RND3: variants seen among roughly 807,000 people sequenced by gnomAD.
RND3 encodes the protein rho-related GTP-binding protein RhoE.
A neutral mutation model predicts 26.5 loss-of-function variants in RND3; 8 were observed. That is an observed-to-expected ratio of 0.30 (90% CI 0.18 to 0.54). RND3 has a LOEUF of 0.54. Among genes scored for constraint, RND3 ranks in the 20% least tolerant of loss-of-function variants. The probability of loss-of-function intolerance (pLI) is 0.94; values close to 1 mark genes in which losing one functional copy is unlikely to be tolerated. For missense variants in RND3, 207 were observed against 302.8 expected (o/e 0.68, Z 2.35); for synonymous variants, 113 against 113.0 (o/e 1.00, Z 0.00).
At position 150,487,474 on chromosome 2, in the gene RND3, A is replaced by AAAAAAAAT; in HGVS notation, c.-38-20_-38-19insATTTTTTT. 1.5e-4 allele frequency: 30 copies of AAAAAAAAT among 200,804 alleles called. No individual in the cohort carries two copies. Among genetic ancestry groups the AAAAAAAAT allele is most frequent in the African/African-American group, 7.1e-4 (26 of 36,654 alleles). The allele number at this position is 200,804 out of a possible 1,614,324, so 12.4% of individuals were successfully genotyped here. A position where few individuals can be genotyped will look rare whatever the true frequency, so the allele number is the denominator to read the frequency against. On this transcript the variant is annotated intron_variant, in intron 1 of 5. Transcript: ENST00000263895. ...ATTTTCTCTTAAGAAGAAAAAAAAA[A>AAAAAAAAT]ATATATATATATATATATATTTCTC...
intron 3 of RND3, among the ~76,000 whole-genome samples, chr2:150,479,593 A>T (rs898628637): frequency 6.6e-6 from 1 of 152,222 alleles, no homozygotes; most frequent in South Asian, 2.1e-4. Context: ...CTTTTGGTAT[A>T]TTTAGTGACC....
At position 150,469,931 on chromosome 2, in the gene RND3, T is replaced by A. The variant is rs575225524; in HGVS notation, c.*56A>T. On this transcript the variant is annotated 3_prime_UTR_variant, in exon 6 of 6. Transcript: ENST00000263895. ...ACTTCATTTAGACTTCACCTTTTTG[T>A]TTGCTGTTGTTTTTTACACTAGATT... The A allele has an allele frequency of 1.3e-6, 2 of 1,594,040 alleles. No individual in the cohort carries two copies. Among genetic ancestry groups the A allele is most frequent in the South Asian group, 1.1e-5 (1 of 89,198 alleles).
In RND3 at chr2:150,472,930, A is replaced by G. The variant is rs1686109637; in HGVS notation, c.349-1169T>C. On this transcript the variant is annotated intron_variant, in intron 4 of 5. Coordinates refer to ENST00000263895, the MANE Select transcript of RND3 (RefSeq NM_005168.5). ...AACGAACTCTAGTGCAAACTACACC[A>G]GAGGATTCAAAGGAGTAATATACTT... 2.0e-5 allele frequency among the ~76,000 whole-genome samples: 3 copies of G among 152,220 alleles called. No homozygotes were observed. In the South Asian group the frequency reaches 6.2e-4, roughly 32 times the overall value.
At chr2:150,478,750 TAC>T (rs1686216480) in intron 3 of RND3, among the ~76,000 whole-genome samples, 2 of 152,060 alleles carry the variant, frequency 1.3e-5, no homozygotes, top group African/African-American at 4.8e-5. Flanking sequence ...GGTATTGATA[TAC>T]ACAGAGTATG....
At chr2:150,474,735 G>A (rs141429216) in intron 4 of RND3, 140 bp downstream of exon 4, 3 of 490,318 alleles carry the variant, frequency 6.1e-6, no homozygotes, top group African/African-American at 4.0e-5. Flanking sequence ...CCATTTTGGT[G>A]TGAAAGGGTT....
In RND3 at chr2:150,486,177, GC is replaced by G. The variant is rs1686356717; in HGVS notation, c.238+516del. On this transcript the variant is annotated intron_variant, in intron 3 of 5. Coordinates refer to ENST00000263895, the MANE Select transcript of RND3 (RefSeq NM_005168.5). This position sits in a 1 kb window ranked among gnomAD's most constrained non-coding sequence, Gnocchi z 4.5. ...GGGTGTAGGCGTCACGGGCGCCGCG[GC>G]TGCCTGCGCTCAGTTTCTTTCCCTC... Among the ~76,000 whole-genome samples the G allele has an allele frequency of 6.6e-6, 1 of 152,020 alleles. No homozygotes were observed. The highest frequency in any genetic ancestry group is 1.5e-5 in the Non-Finnish European group (1 of 68,008).
chr2:150,470,103 G>T lies in RND3; in HGVS notation c.619C>A (p.Arg207=), dbSNP rs758054007. ...CVNKTNKNVK[R]NKSQRATKRI... is the part of the protein sequence containing the mutation. ...TTTGTGGCTCTCTGTGATTTGTTCC[G>T]CTTAACGTTTTTATTTGTCTTATTT... The change falls in exon 6 of 6, where the codon CGG becomes AGG. Residue 207 remains arginine, a synonymous_variant. Coordinates refer to ENST00000263895, the MANE Select transcript of RND3 (RefSeq NM_005168.5). The T allele has an allele frequency of 6.2e-7, 1 of 1,613,956 alleles. No individual in the cohort carries two copies.
In RND3 at chr2:150,487,474, A is replaced by ATATATATAGAT; in HGVS notation, c.-38-20_-38-19insATCTATATATA. On this transcript the variant is annotated intron_variant, in intron 1 of 5. Coordinates refer to ENST00000263895, the MANE Select transcript of RND3 (RefSeq NM_005168.5). ...ATTTTCTCTTAAGAAGAAAAAAAAA[A>ATATATATAGAT]ATATATATATATATATATATTTCTC... is the stretch of plus-strand genomic sequence containing the variant. 5.1e-6 allele frequency: 1 copy of ATATATATAGAT among 195,420 alleles called. No individual in the cohort carries two copies. The highest frequency in any genetic ancestry group is 8.9e-6 in the Non-Finnish European group (1 of 112,126). The allele number at this position is 195,420 out of a possible 1,614,324, so 12.1% of individuals were successfully genotyped here.
intron 4 of RND3, among the ~76,000 whole-genome samples, chr2:150,472,636 T>G (rs556991132): frequency 2.0e-5 from 3 of 152,086 alleles, no homozygotes; most frequent in Non-Finnish European, 4.4e-5. Context: ...CTTTGGCCTT[T>G]GAGGGCAGGG....
chr2:150,481,665 A>C (rs1004493989), intron 3 of RND3, among the ~76,000 whole-genome samples: 6 of 152,092 alleles, frequency 3.9e-5, no homozygotes, highest in African/African-American at 1.2e-4. Context: ...AACCATGTTT[A>C]CTGGTTTTAT....
chr2:150,486,573 C>T lies in RND3; in HGVS notation c.238+121G>A. The T allele has an allele frequency of 1.3e-6, 1 of 785,964 alleles. No homozygotes were observed. 48.7% of individuals were successfully genotyped at this position (785,964 alleles called of 1,614,324 possible). A position where few individuals can be genotyped will look rare whatever the true frequency, so the allele number is the denominator to read the frequency against. ...GGATACAATTTTCGCCCAACAGGGA[C>T]CGTGGGAATCCCTTGGGAGGGGCGC... On this transcript the variant is annotated intron_variant, in intron 3 of 5. Transcript: ENST00000263895. The surrounding 1 kb of genome is among the most constrained non-coding windows in gnomAD (Gnocchi z 4.5).
At position 150,487,474 on chromosome 2, in the gene RND3, A is replaced by AAAAATATATATATAT; in HGVS notation, c.-38-20_-38-19insATATATATATATTTT. Reference sequence around the variant, plus strand: ...ATTTTCTCTTAAGAAGAAAAAAAAAAATATATATATATATATATATTTCTC... The same window carrying AAAAATATATATATAT: ...ATTTTCTCTTAAGAAGAAAAAAAAAAAAAATATATATATATATATATATATATATATATATTTCTC... On this transcript the variant is annotated intron_variant, in intron 1 of 5. Transcript: ENST00000263895. 1,395 of 200,582 alleles carry AAAAATATATATATAT rather than the reference A, an allele frequency of 7.0e-3. 15 individuals carry two copies. Among genetic ancestry groups the AAAAATATATATATAT allele is most frequent in the Admixed American group, 0.013 (180 of 13,788 alleles). 12.4% of individuals were successfully genotyped at this position (200,582 alleles called of 1,614,324 possible).
intron 4 of RND3, among the ~76,000 whole-genome samples, chr2:150,472,199 G>C (rs534073141): frequency 1.8e-4 from 28 of 152,152 alleles, no homozygotes; most frequent in Non-Finnish European, 2.6e-4. Flanking sequence ...GGCAACACTA[G>C]CACAAGTATG....
chr2:150,475,007 A>C, intron 3 of RND3, 23 bp from the exon 4 acceptor site: 8 of 1,459,772 alleles, frequency 5.5e-6, no homozygotes, highest in Non-Finnish European at 7.7e-6. Flanking sequence ...AAAGACACAC[A>C]AATTTTCAGA....
chr2:150,485,701 C>A (rs1011509080), intron 3 of RND3, among the ~76,000 whole-genome samples: 2 of 152,136 alleles, frequency 1.3e-5, no homozygotes, highest in African/African-American at 4.8e-5. Context: ...AGCCCAAGAC[C>A]TCAGATGGTG....
At chr2:150,474,527 T>C (rs778666793) in intron 4 of RND3, among the ~76,000 whole-genome samples, 1 of 152,202 alleles carries the variant, frequency 6.6e-6, no homozygotes, top group Non-Finnish European at 1.5e-5. Flanking sequence ...CAAATGTAAA[T>C]CTGTAAACTA....
intron 3 of RND3, among the ~76,000 whole-genome samples, chr2:150,482,414 A>C (rs1449778065): frequency 6.6e-6 from 1 of 152,196 alleles, no homozygotes; most frequent in Non-Finnish European, 1.5e-5. Context: ...TATTAGAATT[A>C]CTTTGGTCTT....
Position 150,469,918 on chromosome 2 carries a change from C to T in RND3, c.*69G>A, listed in dbSNP as rs977721468. The stretch of plus-strand genomic sequence containing the variant: ...ACTTTGGCTGTGCACTTCATTTAGA[C>T]TTCACCTTTTTGTTTGCTGTTGTTT... On this transcript the variant is annotated 3_prime_UTR_variant, in exon 6 of 6. Transcript: ENST00000263895. 2 of 1,575,088 alleles carry T rather than the reference C, an allele frequency of 1.3e-6. No individual in the cohort carries two copies. Among genetic ancestry groups the T allele is most frequent in the Non-Finnish European group, 1.7e-6 (2 of 1,152,916 alleles).
chr2:150,483,152 G>C (rs1353542699), intron 3 of RND3, among the ~76,000 whole-genome samples: 1 of 152,064 alleles, frequency 6.6e-6, no homozygotes, highest in Non-Finnish European at 1.5e-5. Flanking sequence ...ACTTTCACTT[G>C]GTAGTCTTTC....
Sources: allele counts gnomAD v4.1 joint callset (sites outside exome capture counted in the v4.1 genomes callset), GRCh38; gene constraint gnomAD v4.1.1; non-coding constraint Gnocchi (gnomAD v3.1); transcripts MANE v1.5; gene names NCBI Gene and HGNC (gene_info 2026-07-23, HGNC 2026-07-21).